The following STK10 variants were observed in gnomAD, a reference collection of about 807,000 sequenced individuals.
STK10 encodes serine/threonine kinase 10.
STK10 carries 78 observed loss-of-function variants against 113.8 expected under a neutral mutation model. The ratio of observed to expected loss-of-function variants is 0.69; its 90% CI spans 0.57 to 0.83. The LOEUF (loss-of-function observed/expected upper bound fraction) is 0.83. Among genes scored for constraint, STK10 ranks in the 40% least tolerant of loss-of-function variants. The probability of loss-of-function intolerance (pLI) is 0.00; values close to 1 mark genes in which losing one functional copy is unlikely to be tolerated. For synonymous variants in STK10, 465 were observed against 494.7 expected, an observed-to-expected ratio of 0.94 and a Z score of 0.80; for missense variants, 1,109 against 1,280.1, an observed-to-expected ratio of 0.87 and a Z score of 2.04.
At chr5:172,066,216 T>G (rs1390132588) in intron 12 of STK10, among the ~76,000 whole-genome samples, 1 of 152,134 alleles carries the variant, frequency 6.6e-6, no homozygotes, top group Non-Finnish European at 1.5e-5. Context: ...AAACTCTGCA[T>G]CAAATATGAA....
At position 172,054,535 on chromosome 5, in the gene STK10, C is replaced by G. The variant is rs1408881383; in HGVS notation, c.2652+34G>C. 3.8e-6 allele frequency: 6 copies of G among 1,596,132 alleles called. No homozygotes were observed. The South Asian group carries it at 6.6e-5, about 18-fold the overall frequency. On this transcript the variant is annotated intron_variant, in intron 17 of 18. Coordinates refer to ENST00000176763, the MANE Select transcript of STK10 (RefSeq NM_005990.4). ...ATGGCCTTGGGGAAACTGAGGCAGC[C>G]TGGGGGCAGGGGCAGGGGCAGGCAG...
At position 172,089,396 on chromosome 5, in the gene STK10, GGA is replaced by G. The variant is rs1244322478; in HGVS notation, c.1685+834_1685+835del. 2.2e-3 allele frequency among the ~76,000 whole-genome samples: 26 copies of G among 11,662 alleles called. 1 individual carries two copies. In the South Asian group the frequency reaches 0.16, roughly 71 times the overall value. 7.7% of individuals were successfully genotyped at this position (11,662 alleles called of 152,430 possible). A position where few individuals can be genotyped will look rare whatever the true frequency, so the allele number is the denominator to read the frequency against. ...CAACCTGGTGGGTTGGTGGATACAT[GGA>G]TGGATGGATGGATGGATGGATGGAT... On this transcript the variant is annotated intron_variant, in intron 10 of 18. Coordinates refer to ENST00000176763, the MANE Select transcript of STK10 (RefSeq NM_005990.4).
At chr5:172,045,095 C>T in intron 18 of STK10, 73 bp from the exon 19 acceptor site, 1 of 1,581,666 alleles carries the variant, frequency 6.3e-7, no homozygotes, top group Non-Finnish European at 8.6e-7. Context: ...CTCACAGGAC[C>T]CCCACTGACA....
chr5:172,096,513 C>G lies in STK10; in HGVS notation c.918G>C (p.Leu306=). 1 of 1,613,798 alleles carries G rather than the reference C, an allele frequency of 6.2e-7. No homozygotes were observed. Among genetic ancestry groups the G allele is most frequent in the African/African-American group, 1.3e-5 (1 of 75,058 alleles). The change falls in exon 8 of 19, where the codon CTG becomes CTC. Residue 306 remains leucine, a synonymous_variant. Transcript: ENST00000176763. ...TCACCTCGGCCTTGGCCTCAGCCAC[C>G]AGCTCCCGCAGAGCCTTGTTACTGG... ...SITSNKALRE[L]VAEAKAEVME...
At chr5:172,170,229 A>G (rs1770643148) in intron 1 of STK10, among the ~76,000 whole-genome samples, 1 of 151,886 alleles carries the variant, frequency 6.6e-6, no homozygotes, top group Admixed American at 6.6e-5. Flanking sequence ...TCCTCCACAT[A>G]AGAGAGGAAA....
intron 9 of STK10, among the ~76,000 whole-genome samples, chr5:172,091,035 G>A (rs937845156): frequency 4.6e-5 from 7 of 150,580 alleles, no homozygotes; most frequent in Non-Finnish European, 1.0e-4. Flanking sequence ...TGTCCTGTCT[G>A]AGCCTCAGCT....
At chr5:172,055,264 A>G (rs755126535) in intron 16 of STK10, among the ~76,000 whole-genome samples, 13 of 151,896 alleles carry the variant, frequency 8.6e-5, no homozygotes, top group Non-Finnish European at 1.3e-4. Flanking sequence ...CAGTGGTTCA[A>G]TCTTGGCTCA....
chr5:172,168,554 C>G (rs1358009811), intron 1 of STK10, among the ~76,000 whole-genome samples: 1 of 152,124 alleles, frequency 6.6e-6, no homozygotes, highest in African/African-American at 2.4e-5. Context: ...TCCTTGCGGG[C>G]TCAGGATGAA....
At chr5:172,184,519 G>A (rs2113847651) in intron 1 of STK10, among the ~76,000 whole-genome samples, 1 of 152,248 alleles carries the variant, frequency 6.6e-6, no homozygotes, top group Non-Finnish European at 1.5e-5. Flanking sequence ...GATTGTTCAG[G>A]TCTATCAGCA....
At chr5:172,051,593 C>A (rs1257980550) in intron 18 of STK10, among the ~76,000 whole-genome samples, 3 of 152,146 alleles carry the variant, frequency 2.0e-5, no homozygotes, top group Non-Finnish European at 4.4e-5. Flanking sequence ...CCACCGCACT[C>A]CAGCCTTGGG....
At chr5:172,068,943 GA>G (rs1295597647) in intron 12 of STK10, among the ~76,000 whole-genome samples, 1 of 150,236 alleles carries the variant, frequency 6.7e-6, no homozygotes, top group African/African-American at 2.4e-5. Context: ...AAAGTATCAA[GA>G]AATTTACATG....
At position 172,082,173 on chromosome 5, in the gene STK10, G is replaced by A. The variant is rs1288999866; in HGVS notation, c.1989+153C>T. 2.6e-5 allele frequency among the ~76,000 whole-genome samples: 4 copies of A among 152,114 alleles called. No homozygotes were observed. The highest frequency in any genetic ancestry group is 2.1e-4 in the South Asian group (1 of 4,824). On this transcript the variant is annotated intron_variant, in intron 12 of 18. Transcript: ENST00000176763. The surrounding 1 kb of genome is among the most constrained non-coding windows in gnomAD (Gnocchi z 4.3). The stretch of plus-strand genomic sequence containing the variant: ...AGATGGAGAAGTGGCTCCTCATGGC[G>A]CAGCTTGGGCACACAGATCCAGGCT...
chr5:172,092,926 G>C (rs972080547), intron 9 of STK10: 2 of 153,854 alleles, frequency 1.3e-5, no homozygotes, highest in African/African-American at 4.8e-5. Flanking sequence ...TAAAGTGAGA[G>C]GATGAAGGAG....
chr5:172,056,958 A>AGAAAGAAG (rs1767797952), intron 15 of STK10: 2 of 78,398 alleles, frequency 2.6e-5, no homozygotes, highest in Non-Finnish European at 5.1e-5. Context: ...AAAGAAGGAA[A>AGAAAGAAG]GAAAGAAAGA....
chr5:172,123,897 G>T (rs190572812), intron 3 of STK10, among the ~76,000 whole-genome samples: 32 of 152,178 alleles, frequency 2.1e-4, no homozygotes, highest in Admixed American at 7.2e-4. Flanking sequence ...CCAAGAGTTG[G>T]AGAAAGAAAT....
chr5:172,152,336 G>T (rs139776456), intron 2 of STK10, among the ~76,000 whole-genome samples: 10 of 152,304 alleles, frequency 6.6e-5, no homozygotes, highest in South Asian at 2.1e-4. Flanking sequence ...TCTTCCCAAA[G>T]AACTCACTCT....
intron 2 of STK10, among the ~76,000 whole-genome samples, chr5:172,128,504 T>C (rs1012298276): frequency 2.0e-5 from 3 of 152,168 alleles, no homozygotes; most frequent in Admixed American, 1.3e-4. Context: ...CTAATGTTTG[T>C]GTTTTTAGTA....
At chr5:172,102,599 G>C (rs902337443) in intron 7 of STK10, among the ~76,000 whole-genome samples, 6 of 152,114 alleles carry the variant, frequency 3.9e-5, no homozygotes, top group Admixed American at 3.9e-4. Context: ...ATGACCAAGG[G>C]TGTGTGGAGG....
At chr5:172,170,832 T>C (rs1444594001) in intron 1 of STK10, among the ~76,000 whole-genome samples, 1 of 152,182 alleles carries the variant, frequency 6.6e-6, no homozygotes, top group Non-Finnish European at 1.5e-5. Context: ...TCTGCCTCCT[T>C]GCAGGGGACC....
Sources: allele counts gnomAD v4.1 joint callset (sites outside exome capture counted in the v4.1 genomes callset), GRCh38; gene constraint gnomAD v4.1.1; non-coding constraint Gnocchi (gnomAD v3.1); transcripts MANE v1.5; gene names NCBI Gene and HGNC (gene_info 2026-07-23, HGNC 2026-07-21).